Variants in RALYL observed in about 807,000 individuals in gnomAD.
RALYL encodes RNA-binding Raly-like protein.
RALYL carries 29 observed loss-of-function variants against 35.1 expected under a neutral mutation model. That is an observed-to-expected ratio of 0.83 (90% confidence interval 0.61 to 1.13). RALYL has a LOEUF of 1.13. Ranked by LOEUF, RALYL falls within the 50% of genes most tolerant of loss-of-function variation. The pLI is 0.00. For synonymous variants in RALYL, 120 were observed against 127.6 expected, an observed-to-expected ratio of 0.94 and a Z score of 0.40; for missense variants, 359 against 360.4, an observed-to-expected ratio of 1.00 and a Z score of 0.03.
intron 1 of RALYL, among the ~76,000 whole-genome samples, chr8:84,448,337 T>A (rs1003402584): frequency 1.7e-4 from 26 of 152,056 alleles, no homozygotes; most frequent in African/African-American, 5.6e-4. Context: ...GCAGAGAGTT[T>A]AAGCATGCTC....
In RALYL at chr8:84,746,676, T is replaced by C. The variant is rs1417766841; in HGVS notation, c.257-27903T>C. ...AAATTACATACAAATGTTCCACTAT[T>C]CCCCTAAGATAGTTCAACATGAAAC... On this transcript the variant is annotated intron_variant, in intron 2 of 8. Transcript: ENST00000521268. Among the ~76,000 whole-genome samples, 6 of 152,100 alleles carry C rather than the reference T, an allele frequency of 3.9e-5. No homozygotes were observed. In the East Asian group the frequency reaches 7.7e-4, roughly 20 times the overall value.
At chr8:84,568,361 C>A (rs1276385204) in intron 2 of RALYL, among the ~76,000 whole-genome samples, 1 of 151,612 alleles carries the variant, frequency 6.6e-6, no homozygotes, top group Non-Finnish European at 1.5e-5. Context: ...CATCCGTGTC[C>A]CTACAAAGGA....
chr8:84,700,114 G>T (rs16913135), intron 2 of RALYL, among the ~76,000 whole-genome samples: 7,752 of 151,892 alleles, frequency 0.051, 465 homozygotes, highest in African/African-American at 0.14. Context: ...GATAAACTAA[G>T]TCTGGATAAT....
At chr8:84,216,854 C>A (rs913395190) in intron 1 of RALYL, among the ~76,000 whole-genome samples, 13 of 152,030 alleles carry the variant, frequency 8.6e-5, no homozygotes, top group Non-Finnish European at 1.6e-4. Flanking sequence ...AGGTGTAAAC[C>A]AATTGATTTC....
chr8:84,313,727 A>G (rs117426961), intron 1 of RALYL, among the ~76,000 whole-genome samples: 1 of 152,176 alleles, frequency 6.6e-6, no homozygotes, highest in South Asian at 2.1e-4. Flanking sequence ...AGACCACCTC[A>G]GTCTGGACTT....
intron 1 of RALYL, among the ~76,000 whole-genome samples, chr8:84,417,493 G>T (rs1233722566): frequency 1.3e-5 from 2 of 151,820 alleles, no homozygotes; most frequent in Non-Finnish European, 2.9e-5. Flanking sequence ...GGTTGACACA[G>T]TATCATAAAA....
intron 3 of RALYL, among the ~76,000 whole-genome samples, chr8:84,775,497 C>T (rs1385805216): frequency 6.6e-6 from 1 of 152,146 alleles, no homozygotes; most frequent in Admixed American, 6.5e-5. Flanking sequence ...TTCTTTATTA[C>T]AAAGTACATG....
chr8:84,352,958 C>A (rs1351185442), intron 1 of RALYL, among the ~76,000 whole-genome samples: 3 of 149,886 alleles, frequency 2.0e-5, no homozygotes, highest in Non-Finnish European at 4.4e-5. Context: ...CATAGAAACC[C>A]AAGTTAGGTA....
chr8:84,259,767 G>C lies in RALYL; in HGVS notation c.-24+75343G>C, dbSNP rs147719953. Among the ~76,000 whole-genome samples the C allele has an allele frequency of 4.6e-3, 701 of 152,176 alleles. 6 individuals are homozygous for C. Among genetic ancestry groups the C allele is most frequent in the African/African-American group, 0.015 (640 of 41,522 alleles). On this transcript the variant is annotated intron_variant, in intron 1 of 8. Coordinates refer to ENST00000521268, the MANE Select transcript of RALYL (RefSeq NM_173848.7). ...ATTCTCAACAGCCAGAAAAACAACAGAAAAGTGTATAATATAAAACTTAGT... is the reference window on the plus strand; with the variant it reads ...ATTCTCAACAGCCAGAAAAACAACACAAAAGTGTATAATATAAAACTTAGT...
intron 1 of RALYL, among the ~76,000 whole-genome samples, chr8:84,221,592 A>C (rs1235904326): frequency 1.1e-4 from 17 of 152,072 alleles, no homozygotes; most frequent in Admixed American, 1.1e-3. Flanking sequence ...TACCCCAAAA[A>C]GAGTGTTTAA....
intron 1 of RALYL, among the ~76,000 whole-genome samples, chr8:84,280,558 T>C (rs1836335382): frequency 6.6e-6 from 1 of 151,832 alleles, no homozygotes; most frequent in African/African-American, 2.4e-5. Context: ...CTTAGTAATA[T>C]ATTTTTATTT....
chr8:84,719,396 A>G (rs1843486465), intron 2 of RALYL, among the ~76,000 whole-genome samples: 2 of 152,178 alleles, frequency 1.3e-5, no homozygotes, highest in African/African-American at 4.8e-5. Flanking sequence ...ATGTGTATGC[A>G]TGATATCACC....
chr8:84,761,451 G>T (rs1435766316), intron 2 of RALYL, among the ~76,000 whole-genome samples: 1 of 151,902 alleles, frequency 6.6e-6, no homozygotes, highest in African/African-American at 2.4e-5. Flanking sequence ...TTTATTAAAA[G>T]AATTTATGGA....
chr8:84,718,975 T>G (rs1843396782), intron 2 of RALYL, among the ~76,000 whole-genome samples: 1 of 152,148 alleles, frequency 6.6e-6, no homozygotes, highest in African/African-American at 2.4e-5. Context: ...TGTTTCCATT[T>G]AGAACACTCT....
chr8:84,356,440 T>A (rs1475322139), intron 1 of RALYL, among the ~76,000 whole-genome samples: 2 of 150,430 alleles, frequency 1.3e-5, no homozygotes, highest in Admixed American at 1.3e-4. Context: ...TCCATGCCTA[T>A]TGCCTCATTG....
intron 1 of RALYL, among the ~76,000 whole-genome samples, chr8:84,498,787 A>G (rs2056356014): frequency 6.6e-6 from 1 of 152,182 alleles, no homozygotes; most frequent in South Asian, 2.1e-4. Context: ...GTAAAAGAAA[A>G]TCATAAACAC....
chr8:84,540,761 A>G (rs1285803366), intron 2 of RALYL, among the ~76,000 whole-genome samples: 2 of 152,042 alleles, frequency 1.3e-5, no homozygotes, highest in African/African-American at 4.8e-5. Flanking sequence ...TAACATTTGG[A>G]TAATCCATCA....
intron 1 of RALYL, among the ~76,000 whole-genome samples, chr8:84,466,548 T>G (rs2051681943): frequency 6.6e-6 from 1 of 151,800 alleles, no homozygotes; most frequent in South Asian, 2.1e-4. Flanking sequence ...GTTTTGCCAG[T>G]ATTTTATTGA....
intron 1 of RALYL, among the ~76,000 whole-genome samples, chr8:84,274,786 A>C (rs527551941): frequency 6.6e-6 from 1 of 152,154 alleles, no homozygotes; most frequent in African/African-American, 2.4e-5. Flanking sequence ...AAGCTGTATA[A>C]ATGTCTAGAA....
Sources: gnomAD v4.1 joint callset for allele counts (sites outside exome capture counted in the v4.1 genomes callset) on GRCh38, gnomAD v4.1.1 for gene constraint, MANE v1.5 for transcripts, NCBI Gene and HGNC (gene_info 2026-07-23, HGNC 2026-07-21) for gene names.